The following HECW1 variants were observed in gnomAD, a reference collection of about 807,000 sequenced individuals.
HECW1 encodes the protein HECT, C2 and WW domain containing E3 ubiquitin protein ligase 1.
Under a neutral mutation model 182.3 loss-of-function variants are expected in HECW1, and 61 were observed. That is an observed-to-expected ratio of 0.33 (90% confidence interval 0.27 to 0.41). HECW1 has a LOEUF of 0.41. Among genes scored for constraint, HECW1 ranks in the 10% least tolerant of loss-of-function variants. The probability of loss-of-function intolerance (pLI) is 1.00; values close to 1 mark genes in which losing one functional copy is unlikely to be tolerated. For synonymous variants in HECW1, 859 were observed against 832.6 expected (o/e 1.03, Z -0.55); for missense variants, 1,739 against 2,108.9 (o/e 0.82, Z 3.44).
At chr7:43,191,815 C>T (rs1267330650) in intron 2 of HECW1, among the ~76,000 whole-genome samples, 1 of 152,152 alleles carries the variant, frequency 6.6e-6, no homozygotes, top group Admixed American at 6.5e-5. Context: ...AATAATACAG[C>T]AAACTCATAT....
chr7:43,317,830 TG>T (rs1809537078), intron 4 of HECW1, among the ~76,000 whole-genome samples: 1 of 151,786 alleles, frequency 6.6e-6, no homozygotes, highest in Non-Finnish European at 1.5e-5. Context: ...TGTGTGTGTG[TG>T]TGTGTGTGTG....
intron 2 of HECW1, among the ~76,000 whole-genome samples, chr7:43,209,016 A>G (rs1267524842): frequency 5.3e-5 from 8 of 152,196 alleles, no homozygotes; most frequent in African/African-American, 1.9e-4. Flanking sequence ...GAACTTGGCT[A>G]TATGCACAAA....
chr7:43,124,546 A>G, intron 2 of HECW1, among the ~76,000 whole-genome samples: 1 of 152,204 alleles, frequency 6.6e-6, no homozygotes, highest in Non-Finnish European at 1.5e-5. Flanking sequence ...CACAGAACTT[A>G]TATTTGTTAA....
intron 5 of HECW1, among the ~76,000 whole-genome samples, chr7:43,326,895 C>A (rs1273701875): frequency 6.6e-6 from 1 of 152,368 alleles, no homozygotes; most frequent in Non-Finnish European, 1.5e-5. Flanking sequence ...CCAGAACAAG[C>A]TCGCTGGGAC....
chr7:43,423,683 G>A (rs559200695), intron 8 of HECW1, among the ~76,000 whole-genome samples: 12 of 152,294 alleles, frequency 7.9e-5, no homozygotes, highest in Admixed American at 2.0e-4. Flanking sequence ...GTGGTGAGCT[G>A]GAGCCAGCTC....
chr7:43,277,247 G>A (rs1212254749), intron 3 of HECW1, among the ~76,000 whole-genome samples: 1 of 152,134 alleles, frequency 6.6e-6, no homozygotes, highest in Non-Finnish European at 1.5e-5. Flanking sequence ...ACAATTGCAG[G>A]GATCAGAAAA....
chr7:43,306,976 A>T (rs1807651703), intron 3 of HECW1, among the ~76,000 whole-genome samples: 1 of 152,206 alleles, frequency 6.6e-6, no homozygotes, highest in Admixed American at 6.5e-5. Context: ...AGAGCACATC[A>T]CTTAATTCAA....
At position 43,550,579 on chromosome 7, in the gene HECW1, C is replaced by T. The variant is rs983974769; in HGVS notation, c.4383C>T (p.Arg1461=). ...GVVQQTEALV[R]GFYEVVDSRL... ...TACAGCAGACCGAGGCGCTGGTGCG[C>T]GGCTTCTACGAGGTGAGGCCCGGTG... is the stretch of plus-strand genomic sequence containing the variant. The change falls in exon 27 of 30, where the codon CGC becomes CGT. Residue 1461 remains arginine (R), a synonymous_variant. Coordinates refer to ENST00000395891, the MANE Select transcript of HECW1 (RefSeq NM_015052.5). 7.5e-6 allele frequency: 12 copies of T among 1,603,638 alleles called. No homozygotes were observed. The East Asian group carries it at 1.1e-4, about 15-fold the overall frequency.
intron 11 of HECW1, among the ~76,000 whole-genome samples, chr7:43,448,779 G>A (rs75570699): frequency 0.033 from 4,985 of 152,220 alleles, 271 homozygotes; most frequent in African/African-American, 0.11. Context: ...TCTACAATTA[G>A]GTTATATTAT....
intron 3 of HECW1, among the ~76,000 whole-genome samples, chr7:43,293,741 C>T (rs1213728355): frequency 6.6e-6 from 1 of 152,042 alleles, no homozygotes; most frequent in Admixed American, 6.5e-5. Context: ...AATTTTAGTG[C>T]ATTATATAAC....
chr7:43,548,222 T>C (rs1292288855), intron 26 of HECW1, among the ~76,000 whole-genome samples: 2 of 151,732 alleles, frequency 1.3e-5, no homozygotes, highest in Non-Finnish European at 1.5e-5. Context: ...ACATATATTT[T>C]ATGGACTCAT....
chr7:43,525,846 T>C (rs550309473), intron 24 of HECW1, among the ~76,000 whole-genome samples: 2 of 152,212 alleles, frequency 1.3e-5, no homozygotes, highest in African/African-American at 4.8e-5. Flanking sequence ...CCTTTAGGGG[T>C]ACAGAGGAGA....
chr7:43,444,873 G>T lies in HECW1; in HGVS notation c.1701G>T (p.Leu567=), dbSNP rs1463316293. The change falls in exon 11 of 30, where the codon CTG becomes CTT. Residue 567 remains leucine (L), a synonymous_variant. Coordinates refer to ENST00000395891, the MANE Select transcript of HECW1 (RefSeq NM_015052.5). This position sits in a 1 kb window ranked among gnomAD's most constrained non-coding sequence, Gnocchi z 4.3. ...ACTACATCCGCATCCACACCCTGCT[G>T]CACAGCATGCCCTCCGCCCAGGGCG... ...RTHYIRIHTL[L]HSMPSAQGGS... is the part of the protein sequence containing the mutation. The T allele has an allele frequency of 1.2e-6, 2 of 1,609,790 alleles. No individual in the cohort carries two copies. Among genetic ancestry groups the T allele is most frequent in the African/African-American group, 1.3e-5 (1 of 74,888 alleles).
chr7:43,204,663 G>A (rs1318272820), intron 2 of HECW1, among the ~76,000 whole-genome samples: 1 of 152,166 alleles, frequency 6.6e-6, no homozygotes, highest in Non-Finnish European at 1.5e-5. Flanking sequence ...AGAGACCTCA[G>A]TGAAACCTCA....
intron 3 of HECW1, chr7:43,274,216 C>A: frequency 1.8e-6 from 1 of 567,480 alleles, no homozygotes; most frequent in East Asian, 3.0e-5. Context: ...TTGCCCACCC[C>A]CAAATGCCAC....
chr7:43,126,067 C>CTTTTTTTTTTTTTTTT (rs71008891), intron 2 of HECW1, among the ~76,000 whole-genome samples: 1 of 103,984 alleles, frequency 9.6e-6, no homozygotes, highest in African/African-American at 3.7e-5. Context: ...TTTGTTCTCA[C>CTTTTTTTTTTTTTTTT]TTTTTTTTTT....
At chr7:43,424,046 A>G (rs1180277116) in intron 8 of HECW1, among the ~76,000 whole-genome samples, 22 of 152,190 alleles carry the variant, frequency 1.4e-4, no homozygotes, top group Admixed American at 1.4e-3. Flanking sequence ...GGAGAGAACA[A>G]AAGAAATTTC....
At chr7:43,530,960 C>A (rs1406901655) in intron 24 of HECW1, among the ~76,000 whole-genome samples, 5 of 152,172 alleles carry the variant, frequency 3.3e-5, no homozygotes, top group Admixed American at 6.5e-5. Context: ...GGGTTCTCAT[C>A]GTCTACAGTT....
intron 2 of HECW1, among the ~76,000 whole-genome samples, chr7:43,221,945 C>T (rs995603803): frequency 6.6e-6 from 1 of 152,142 alleles, no homozygotes; most frequent in Non-Finnish European, 1.5e-5. Context: ...ATCCTCGTTA[C>T]TCAAAATGTA....
Sources: allele counts gnomAD v4.1 joint callset (sites outside exome capture counted in the v4.1 genomes callset), GRCh38; gene constraint gnomAD v4.1.1; non-coding constraint Gnocchi (gnomAD v3.1); transcripts MANE v1.5; gene names NCBI Gene and HGNC (gene_info 2026-07-23, HGNC 2026-07-21).